ZDHHC24: variants seen among roughly 807,000 people sequenced by gnomAD.
ZDHHC24 encodes zDHHC palmitoyltransferase 24, also known as probable palmitoyltransferase ZDHHC24.
In ZDHHC24, 17 loss-of-function variants were observed where a neutral mutation model predicts 23.2. The ratio of observed to expected loss-of-function variants is 0.73; its 90% CI spans 0.50 to 1.10. ZDHHC24 has a LOEUF of 1.10. Among genes scored for constraint, ZDHHC24 ranks in the 50% least tolerant of loss-of-function variants. ZDHHC24 has a pLI of 0.00. For missense variants in ZDHHC24, 366 were observed against 393.0 expected, an observed-to-expected ratio of 0.93 and a Z score of 0.58; for synonymous variants, 186 against 194.5, an observed-to-expected ratio of 0.96 and a Z score of 0.36.
chr11:66,534,880 A>G (rs1856912934), downstream of ZDHHC24, among the ~76,000 whole-genome samples: 1 of 151,286 alleles, frequency 6.6e-6, no homozygotes, highest in Admixed American at 6.6e-5. Context: ...TATTTTTAGT[A>G]GAAACAGCGT....
At position 66,539,727 on chromosome 11, in the gene ZDHHC24, C is replaced by A; in HGVS notation, c.657G>T (p.Met219Ile). ...ATGTGGTCTGGCCCCGCAGCAGCAG[C>A]ATCCCATGGAAGAGCAGCCCAGCCC... ...LCGAGLLFHG[M>I]LLLRGQTTWE... Residue 219 changes from methionine (M) to isoleucine (I), a missense_variant, in exon 3 of 3, where the codon ATG (methionine) becomes ATT (isoleucine). By Grantham distance (10) the Met-to-Ile change is conservative (BLOSUM62 1). Transcript: ENST00000310442. 1 of 1,613,080 alleles carries A rather than the reference C, an allele frequency of 6.2e-7. No individual in the cohort carries two copies.
intron 4 of ZDHHC24, among the ~76,000 whole-genome samples, chr11:66,522,488 C>T (rs746754801): frequency 4.0e-5 from 6 of 151,782 alleles, no homozygotes; most frequent in Non-Finnish European, 5.9e-5. Context: ...GCTGGGACTA[C>T]AGGTGCGTGC....
In ZDHHC24 at chr11:66,537,656, T is replaced by G. The variant is rs11227521; in HGVS notation, c.*1873A>C. ...CAAGACCATCCTGGCCGGCCAGGAG[T>G]GGTGGCTCACACCTGTAATCCCAGC... On this transcript the variant is annotated 3_prime_UTR_variant, in exon 3 of 3. Coordinates refer to ENST00000310442, the MANE Select transcript of ZDHHC24 (RefSeq NM_207340.3). 7.0e-6 allele frequency: 1 copy of G among 142,576 alleles called. No homozygotes were observed. The highest frequency in any genetic ancestry group is 2.7e-5 in the African/African-American group (1 of 37,548). The allele number at this position is 142,576 out of a possible 1,614,324, so 8.8% of individuals were successfully genotyped here.
rs546749956 is a variant in ZDHHC24 at position 66,535,947 on chromosome 11, A to G, written c.*3582T>C. The G allele has an allele frequency of 6.6e-6, 1 of 152,340 alleles. No homozygotes were observed. The highest frequency in any genetic ancestry group is 2.1e-4 in the South Asian group (1 of 4,828). 9.4% of individuals were successfully genotyped at this position (152,340 alleles called of 1,614,324 possible). On this transcript the variant is annotated 3_prime_UTR_variant, in exon 3 of 3. Coordinates refer to ENST00000310442, the MANE Select transcript of ZDHHC24 (RefSeq NM_207340.3). Reference sequence around the variant, plus strand: ...CAATGGATCACTAGGCAGCAGGGAAAAGGAATGCCATACAGCTACACACAA... The same window carrying G: ...CAATGGATCACTAGGCAGCAGGGAAGAGGAATGCCATACAGCTACACACAA...
chr11:66,543,455 C>A (rs564396158), intron 2 of ZDHHC24, among the ~76,000 whole-genome samples: 1 of 152,210 alleles, frequency 6.6e-6, no homozygotes, highest in East Asian at 1.9e-4. Context: ...GAGACTCCCA[C>A]GAGTCTTTCT....
In ZDHHC24 at chr11:66,523,712, G is replaced by A. The variant is rs745700176; in HGVS notation, c.*22-2246C>T. The stretch of plus-strand genomic sequence containing the variant: ...CCTGAGCCCTCCACAGACGCTGGCT[G>A]TTCCCTGCCAGGGGAAGAAGCTGTG... On this transcript the variant is annotated intron_variant, in intron 4 of 4. Coordinates refer to the ZDHHC24 transcript ENST00000526986. The A allele has an allele frequency of 3.7e-6, 6 of 1,610,646 alleles. No homozygotes were observed. The African/African-American group carries it at 5.3e-5, about 14-fold the overall frequency.
chr11:66,533,417 A>G (rs1210729202), downstream of ZDHHC24: 1 of 152,154 alleles, frequency 6.6e-6, no homozygotes, highest in Admixed American at 6.5e-5. Context: ...TGATATATCA[A>G]TCTTAGACAT....
At chr11:66,523,685 G>A (rs766632086) in intron 4 of ZDHHC24, 1 of 1,610,000 alleles carries the variant, frequency 6.2e-7, no homozygotes, top group Non-Finnish European at 8.5e-7. Flanking sequence ...TCCACTGTAA[G>A]CCCTGAGCCC....
chr11:66,532,172 C>T, downstream of ZDHHC24: 1 of 918,258 alleles, frequency 1.1e-6, no homozygotes, highest in Non-Finnish European at 1.6e-6. Context: ...CACCCGCTTC[C>T]TCACCACCCC....
At chr11:66,523,571 C>T (rs1485498253) in intron 4 of ZDHHC24, 1 of 1,614,148 alleles carries the variant, frequency 6.2e-7, no homozygotes, top group South Asian at 1.1e-5. Flanking sequence ...TGGCTTCACC[C>T]ACAAGGTGCA....
At position 66,539,586 on chromosome 11, in the gene ZDHHC24, C is replaced by A. The variant is rs750496664; in HGVS notation, c.798G>T (p.Leu266Phe). Reference sequence around the variant, plus strand: ...TCTGGAAGGTGATCCCATCCCCAGGCAATGGGGAGGCCAGGAAGGGCCAGA... The same window carrying A: ...TCTGGAAGGTGATCCCATCCCCAGGAAATGGGGAGGCCAGGAAGGGCCAGA... The part of the protein sequence containing the change: ...VWLWPFLASP[L>F]PGDGITFQTT... Residue 266 changes from leucine to phenylalanine, a missense_variant, in exon 3 of 3, where the codon TTG becomes TTT. Physicochemically the swap from Leu to Phe is conservative, Grantham distance 22 (BLOSUM62 0). Coordinates refer to ENST00000310442, the MANE Select transcript of ZDHHC24 (RefSeq NM_207340.3). 8 of 1,611,238 alleles carry A rather than the reference C, an allele frequency of 5.0e-6. No individual in the cohort carries two copies. The South Asian group carries it at 8.8e-5, about 18-fold the overall frequency.
chr11:66,540,986 T>C (rs1475707064), intron 2 of ZDHHC24, among the ~76,000 whole-genome samples: 1 of 152,050 alleles, frequency 6.6e-6, no homozygotes. Context: ...GGGAGGAACA[T>C]GGAGGGACCA....
Position 66,526,752 on chromosome 11 carries a change from C to T in ZDHHC24, c.*21+184G>A, listed in dbSNP as rs1856523267. On this transcript the variant is annotated intron_variant, in intron 4 of 4. Coordinates refer to the ZDHHC24 transcript ENST00000526986. ...CCCAGGCCATGAAACTCAATGTGCC[C>T]CGAAAGACCCGGCTTTACGTGGATC... is the stretch of plus-strand genomic sequence containing the variant. 6.2e-7 allele frequency: 1 copy of T among 1,614,096 alleles called. No homozygotes were observed. The highest frequency in any genetic ancestry group is 1.7e-5 in the Admixed American group (1 of 59,998).
chr11:66,542,107 G>A (rs1008012124), intron 2 of ZDHHC24, among the ~76,000 whole-genome samples: 5 of 152,040 alleles, frequency 3.3e-5, no homozygotes, highest in African/African-American at 1.2e-4. Flanking sequence ...CACAATTTGG[G>A]ATGTGCCAGC....
At chr11:66,532,067 A>C (rs1416523940), downstream of ZDHHC24, 1 of 1,578,196 alleles carries the variant, frequency 6.3e-7, no homozygotes, top group Non-Finnish European at 8.6e-7. Flanking sequence ...GCCCCTGCAC[A>C]ATCAGCCAGG....
At chr11:66,542,114 C>T (rs1053735088) in intron 2 of ZDHHC24, among the ~76,000 whole-genome samples, 2 of 151,998 alleles carry the variant, frequency 1.3e-5, no homozygotes, top group Non-Finnish European at 2.9e-5. Flanking sequence ...TGGGATGTGC[C>T]AGCTGATGTC....
Position 66,545,675 on chromosome 11 carries a change from CT to C in ZDHHC24, c.281+47del. On this transcript the variant is annotated intron_variant, in intron 1 of 2. Transcript: ENST00000310442. This position sits in a 1 kb window ranked among gnomAD's most constrained non-coding sequence, Gnocchi z 4.5. ...TCTCAGGTCTTGGGGCCCCTCCCCC[CT>C]GTCCAAGGCTCCCACTTCTCCCCGC... 2.1e-6 allele frequency: 3 copies of C among 1,446,410 alleles called. No individual in the cohort carries two copies. Among genetic ancestry groups the C allele is most frequent in the Non-Finnish European group, 1.8e-6 (2 of 1,104,190 alleles). 89.6% of individuals were successfully genotyped at this position (1,446,410 alleles called of 1,614,324 possible).
intron 2 of ZDHHC24, chr11:66,542,778 T>G: frequency 6.7e-6 from 1 of 149,652 alleles, no homozygotes; most frequent in South Asian, 2.1e-4. Context: ...CTGAGGGGAG[T>G]GAGTGTTGAC....
Position 66,539,388 on chromosome 11 carries a change from G to A in ZDHHC24, c.*141C>T, listed in dbSNP as rs1206618463. On this transcript the variant is annotated 3_prime_UTR_variant, in exon 3 of 3. Transcript: ENST00000310442. The stretch of plus-strand genomic sequence containing the variant: ...CAAGCCCTGGACACGTAGGAGTGTA[G>A]GCGGGCAGGGGCAAGGCCAAGGAAG... 17 of 1,373,346 alleles carry A rather than the reference G, an allele frequency of 1.2e-5. No individual in the cohort carries two copies. The highest frequency in any genetic ancestry group is 1.9e-6 in the Non-Finnish European group (2 of 1,066,698). 85.1% of individuals were successfully genotyped at this position (1,373,346 alleles called of 1,614,324 possible).
Sources: gnomAD v4.1 joint callset for allele counts (sites outside exome capture counted in the v4.1 genomes callset) on GRCh38, gnomAD v4.1.1 for gene constraint, Gnocchi (gnomAD v3.1) non-coding constraint, MANE v1.5 for transcripts, NCBI Gene and HGNC (gene_info 2026-07-23, HGNC 2026-07-21) for gene names.